The following LINGO2 variants were observed in gnomAD, a reference collection of about 807,000 sequenced individuals.
LINGO2 encodes leucine-rich repeat and immunoglobulin-like domain-containing nogo receptor-interacting protein 2.
Under a neutral mutation model 30.6 loss-of-function variants are expected in LINGO2, and 14 were observed. That is an observed-to-expected ratio of 0.46 (90% confidence interval 0.30 to 0.72). LINGO2 has a LOEUF of 0.72. Among genes scored for constraint, LINGO2 ranks in the 30% least tolerant of loss-of-function variants. The pLI, the probability that LINGO2 is intolerant of heterozygous loss-of-function variation, is 0.07. For missense variants in LINGO2, 729 were observed against 751.7 expected (o/e 0.97, Z 0.35); for synonymous variants, 317 against 288.5 (o/e 1.10, Z -1.00).
At chr9:27,965,547 T>C (rs1300796719) in intron 5 of LINGO2, among the ~76,000 whole-genome samples, 1 of 152,118 alleles carries the variant, frequency 6.6e-6, no homozygotes, top group Non-Finnish European at 1.5e-5. Context: ...ATTCATCTTG[T>C]ATTCCAGCGA....
chr9:28,986,456 TTTTAGGTAG>T, the LINGO2 span, among the ~76,000 whole-genome samples: 2 of 152,024 alleles, frequency 1.3e-5, no homozygotes, highest in South Asian at 4.1e-4. Context: ...CTGTAGTTCA[TTTTAGGTAG>T]TATGGACATT....
At chr9:29,184,638 G>T in the LINGO2 span, among the ~76,000 whole-genome samples, 1 of 151,628 alleles carries the variant, frequency 6.6e-6, no homozygotes, top group South Asian at 2.1e-4. Flanking sequence ...TTCTTATGTA[G>T]CAAGAATCCC....
Position 28,106,481 on chromosome 9 carries a change from C to T in LINGO2, c.-86-94076G>A, listed in dbSNP as rs183456173. On this transcript the variant is annotated intron_variant, in intron 4 of 5. Coordinates refer to ENST00000379992, the Ensembl canonical transcript of LINGO2. ...GGATACCATGCAAGAATGAAAAAGT[C>T]GAAGAGGAAAACTTCTTATTTAATC... 1.7e-3 allele frequency among the ~76,000 whole-genome samples: 266 copies of T among 152,248 alleles called. 1 individual carries two copies. The highest frequency in any genetic ancestry group is 3.0e-3 in the Admixed American group (46 of 15,282).
chr9:28,774,272 T>G, the LINGO2 span, among the ~76,000 whole-genome samples: 1 of 152,260 alleles, frequency 6.6e-6, no homozygotes, highest in African/African-American at 2.4e-5. Flanking sequence ...TAGTATAAGT[T>G]TATATAAGAC....
At chr9:28,242,326 T>C (rs1044157179) in intron 4 of LINGO2, among the ~76,000 whole-genome samples, 3 of 151,988 alleles carry the variant, frequency 2.0e-5, no homozygotes, top group Non-Finnish European at 2.9e-5. Context: ...TCGTGAACCA[T>C]ACACAAGTAT....
At chr9:28,679,728 T>C in the LINGO2 span, among the ~76,000 whole-genome samples, 1 of 152,080 alleles carries the variant, frequency 6.6e-6, no homozygotes, top group Non-Finnish European at 1.5e-5. Flanking sequence ...GAAAGTGTTA[T>C]ACTAAAGCCT....
In LINGO2 at chr9:28,509,670, C is replaced by T. The variant is rs900135760; in HGVS notation, c.-364-33645G>A. Among the ~76,000 whole-genome samples the T allele has an allele frequency of 3.3e-5, 5 of 152,074 alleles. No homozygotes were observed. In the South Asian group the frequency reaches 8.3e-4, roughly 25 times the overall value. ...GACCTCAACCTAATAGTACTTACGTCCTCATAAGAGAAGAGAGATGACAGC... is the reference window on the plus strand; with the variant it reads ...GACCTCAACCTAATAGTACTTACGTTCTCATAAGAGAAGAGAGATGACAGC... On this transcript the variant is annotated intron_variant, in intron 1 of 5. Transcript: ENST00000379992.
chr9:28,813,173 T>A, the LINGO2 span, among the ~76,000 whole-genome samples: 1 of 151,806 alleles, frequency 6.6e-6, no homozygotes, highest in African/African-American at 2.4e-5. Context: ...AACATTGATG[T>A]CAAGTGAGAA....
chr9:28,942,436 C>A, the LINGO2 span, among the ~76,000 whole-genome samples: 1 of 152,092 alleles, frequency 6.6e-6, no homozygotes, highest in Non-Finnish European at 1.5e-5. Flanking sequence ...TCACCAAAAA[C>A]CAAATAACTG....
chr9:29,000,608 T>A, the LINGO2 span, among the ~76,000 whole-genome samples: 1 of 151,966 alleles, frequency 6.6e-6, no homozygotes, highest in Non-Finnish European at 1.5e-5. Context: ...AATACCTTTA[T>A]GCTGAATTGT....
At chr9:28,463,805 C>G (rs1427600776) in intron 2 of LINGO2, among the ~76,000 whole-genome samples, 1 of 152,068 alleles carries the variant, frequency 6.6e-6, no homozygotes. Flanking sequence ...CCTATGATAG[C>G]TGTTTTAATT....
chr9:29,033,161 A>G, the LINGO2 span, among the ~76,000 whole-genome samples: 6 of 152,050 alleles, frequency 3.9e-5, no homozygotes, highest in Non-Finnish European at 8.8e-5. Flanking sequence ...ATTTAAAATT[A>G]CCAGCTCATG....
At chr9:28,752,115 G>A in the LINGO2 span, among the ~76,000 whole-genome samples, 691 of 152,132 alleles carry the variant, frequency 4.5e-3, 28 homozygotes, top group East Asian at 0.1. Flanking sequence ...CTTAAGACAT[G>A]TATTGTTCAA....
exon 6 of LINGO2, chr9:27,949,207 C>T: frequency 6.2e-7 from 1 of 1,614,094 alleles, no homozygotes. Context: ...TCATTCCCAG[C>T]AGCATTGCTA....
intron 4 of LINGO2, among the ~76,000 whole-genome samples, chr9:28,028,409 G>A (rs553862636): frequency 2.0e-5 from 3 of 152,146 alleles, no homozygotes; most frequent in South Asian, 2.1e-4. Context: ...AGGATATTAC[G>A]GACATCTACA....
the LINGO2 span, among the ~76,000 whole-genome samples, chr9:29,207,445 T>A: frequency 6.6e-6 from 1 of 152,086 alleles, no homozygotes; most frequent in Admixed American, 6.5e-5. Context: ...AAAATCCTCT[T>A]ATGTCGTCCA....
intron 4 of LINGO2, among the ~76,000 whole-genome samples, chr9:28,145,629 T>G (rs959133921): frequency 2.6e-5 from 4 of 151,986 alleles, no homozygotes; most frequent in Non-Finnish European, 5.9e-5. Flanking sequence ...AATTTTTTTC[T>G]TCTCTCTCTC....
intron 2 of LINGO2, among the ~76,000 whole-genome samples, chr9:28,381,384 TA>T (rs781156014): frequency 1.3e-5 from 2 of 152,040 alleles, no homozygotes; most frequent in Non-Finnish European, 2.9e-5. Flanking sequence ...GCTGTTAATA[TA>T]ATCATACAGT....
chr9:28,222,468 T>C (rs1258845923), intron 4 of LINGO2, among the ~76,000 whole-genome samples: 1 of 152,002 alleles, frequency 6.6e-6, no homozygotes, highest in African/African-American at 2.4e-5. Context: ...CAGAATTTTA[T>C]AATCAGAGGT....
Sources: allele counts gnomAD v4.1 joint callset (sites outside exome capture counted in the v4.1 genomes callset), GRCh38; gene constraint gnomAD v4.1.1; transcripts MANE v1.5; gene names NCBI Gene and HGNC (gene_info 2026-07-23, HGNC 2026-07-21).